The following ETV1 variants were observed in gnomAD, a reference collection of about 807,000 sequenced individuals.
ETV1 encodes the protein ETS variant transcription factor 1, also known as ETS translocation variant 1.
In ETV1, 27 loss-of-function variants were observed where a neutral mutation model predicts 62.3. That is an observed-to-expected ratio of 0.43 (90% CI 0.32 to 0.60). ETV1 has a LOEUF of 0.60. Among genes scored for constraint, ETV1 ranks in the 20% least tolerant of loss-of-function variants. ETV1 has a pLI of 0.06. For synonymous variants in ETV1, 222 were observed against 199.6 expected, an observed-to-expected ratio of 1.11 and a Z score of -0.94; for missense variants, 605 against 605.8, an observed-to-expected ratio of 1.00 and a Z score of 0.01.
chr7:13,902,809 G>A (rs1035082178), intron 12 of ETV1, among the ~76,000 whole-genome samples: 1 of 152,038 alleles, frequency 6.6e-6, no homozygotes, highest in Non-Finnish European at 1.5e-5. Flanking sequence ...GAGGTCTCTG[G>A]AGAGAGAAAT....
intron 5 of ETV1, among the ~76,000 whole-genome samples, chr7:13,983,439 T>A (rs1438043437): frequency 6.6e-6 from 1 of 151,978 alleles, no homozygotes; most frequent in Non-Finnish European, 1.5e-5. Flanking sequence ...GAATAAGACA[T>A]CACCATGATG....
intron 12 of ETV1, among the ~76,000 whole-genome samples, chr7:13,902,627 C>T (rs923632915): frequency 2.0e-5 from 3 of 152,010 alleles, no homozygotes; most frequent in Admixed American, 6.6e-5. Flanking sequence ...GCATAGCAGC[C>T]GAACTATATG....
chr7:13,893,201 T>C lies in ETV1; in HGVS notation c.*2665A>G, dbSNP rs541860626. 1.9e-3 allele frequency: 437 copies of C among 232,440 alleles called. 1 individual carries two copies. Among genetic ancestry groups the C allele is most frequent in the Non-Finnish European group, 2.5e-3 (293 of 117,626 alleles). 14.4% of individuals were successfully genotyped at this position (232,440 alleles called of 1,614,324 possible). On this transcript the variant is annotated 3_prime_UTR_variant, in exon 14 of 14. Transcript: ENST00000430479. ...TGAAGATAAAAGCTGAGAGAAGACA[T>C]TACATCATTAACAAATGATTTCTAT...
intron 6 of ETV1, among the ~76,000 whole-genome samples, chr7:13,959,254 T>G (rs1174434306): frequency 2.6e-5 from 4 of 152,156 alleles, no homozygotes; most frequent in Non-Finnish European, 5.9e-5. Context: ...AGAGATTAAT[T>G]GACATACCAC....
Position 13,935,693 on chromosome 7 carries a change from G to T in ETV1, c.554+15C>A. ...GCAAAAAACAGTTTCTAGAAAACTG[G>T]TATCTGCAGGTTACCTGTGGTCCAT... On this transcript the variant is annotated intron_variant, in intron 8 of 13. Coordinates refer to ENST00000430479, the MANE Select transcript of ETV1 (RefSeq NM_004956.5). 6.2e-7 allele frequency: 1 copy of T among 1,605,194 alleles called. No individual in the cohort carries two copies. The highest frequency in any genetic ancestry group is 8.5e-7 in the Non-Finnish European group (1 of 1,174,002).
intron 9 of ETV1, among the ~76,000 whole-genome samples, chr7:13,926,077 CA>C (rs35852273): frequency 5.3e-5 from 8 of 151,978 alleles, no homozygotes; most frequent in African/African-American, 1.9e-4. Flanking sequence ...AAATATTTTT[CA>C]AAAATCTGAC....
intron 7 of ETV1, 29 bp from the exon 8 acceptor site, chr7:13,935,925 A>G: frequency 3.3e-6 from 5 of 1,513,986 alleles, no homozygotes; most frequent in South Asian, 1.2e-5. Context: ...AAGAGAGAAC[A>G]TTTCTTTCTT....
intron 6 of ETV1, among the ~76,000 whole-genome samples, chr7:13,946,882 G>A (rs1056821467): frequency 1.1e-4 from 16 of 152,118 alleles, no homozygotes; most frequent in Non-Finnish European, 1.6e-4. Context: ...CCTGCCTCGC[G>A]GGTTCAAGTG....
chr7:13,901,068 G>A (rs567269885), intron 12 of ETV1, among the ~76,000 whole-genome samples: 3 of 150,502 alleles, frequency 2.0e-5, no homozygotes, highest in Non-Finnish European at 4.4e-5. Flanking sequence ...GCAGTGGCGC[G>A]AACTTGGCTC....
intron 6 of ETV1, among the ~76,000 whole-genome samples, chr7:13,949,148 T>A (rs1373202684): frequency 6.6e-6 from 1 of 151,712 alleles, no homozygotes; most frequent in Non-Finnish European, 1.5e-5. Flanking sequence ...AAATTTCACT[T>A]GGCTATAGCA....
At chr7:13,931,960 G>A (rs998639140) in intron 8 of ETV1, among the ~76,000 whole-genome samples, 1 of 151,504 alleles carries the variant, frequency 6.6e-6, no homozygotes, top group Admixed American at 6.6e-5. Flanking sequence ...TCAGTCTTTT[G>A]CAGCACTGTT....
At chr7:13,964,805 T>A (rs1002057991) in intron 6 of ETV1, among the ~76,000 whole-genome samples, 1 of 152,152 alleles carries the variant, frequency 6.6e-6, no homozygotes, top group Admixed American at 6.5e-5. Flanking sequence ...TCCAGGTTCA[T>A]ACTTTTTCTT....
At chr7:13,973,594 A>G (rs1476622) in intron 6 of ETV1, among the ~76,000 whole-genome samples, 118,877 of 152,094 alleles carry the variant, frequency 0.78, 47,249 homozygotes, top group African/African-American at 0.94. Flanking sequence ...ATTATGATCT[A>G]AACAATAGTC....
intron 6 of ETV1, among the ~76,000 whole-genome samples, chr7:13,955,846 C>T (rs1461929994): frequency 6.6e-6 from 1 of 152,038 alleles, no homozygotes; most frequent in Non-Finnish European, 1.5e-5. Context: ...TTTTTTTCTA[C>T]AAGAACACAT....
At chr7:13,923,990 G>A (rs2282874) in intron 9 of ETV1, among the ~76,000 whole-genome samples, 13,195 of 151,894 alleles carry the variant, frequency 0.087, 1,004 homozygotes, top group African/African-American at 0.2. Flanking sequence ...AGCTGAGATC[G>A]TGCCATTGTA....
At chr7:13,923,001 T>C in intron 9 of ETV1, among the ~76,000 whole-genome samples, 1 of 152,210 alleles carries the variant, frequency 6.6e-6, no homozygotes, top group East Asian at 1.9e-4. Context: ...GAGATATTGC[T>C]AGATGAGTAG....
At chr7:13,981,217 G>A (rs921217830) in intron 5 of ETV1, among the ~76,000 whole-genome samples, 8 of 152,006 alleles carry the variant, frequency 5.3e-5, no homozygotes, top group East Asian at 1.9e-4. Flanking sequence ...GCCAAACAAG[G>A]CGGAAGATGT....
chr7:13,950,131 G>C (rs1257994725), intron 6 of ETV1, among the ~76,000 whole-genome samples: 2 of 152,072 alleles, frequency 1.3e-5, no homozygotes, highest in African/African-American at 4.8e-5. Flanking sequence ...GTTTGTTTTA[G>C]CTTCGGAGAC....
chr7:13,960,571 C>T (rs930914841), intron 6 of ETV1, among the ~76,000 whole-genome samples: 12 of 152,054 alleles, frequency 7.9e-5, no homozygotes, highest in African/African-American at 1.9e-4. Context: ...TTTAAACCTA[C>T]TCCAATCTAT....
Sources: gnomAD v4.1 joint callset for allele counts (sites outside exome capture counted in the v4.1 genomes callset) on GRCh38, gnomAD v4.1.1 for gene constraint, MANE v1.5 for transcripts, NCBI Gene and HGNC (gene_info 2026-07-23, HGNC 2026-07-21) for gene names.